Variants in ZNF892 observed in about 807,000 individuals in gnomAD.
ZNF892 encodes the protein zinc finger protein 570-like.
chr2:95,217,471 A>G, the ZNF892 span, among the ~76,000 whole-genome samples: 3 of 152,184 alleles, frequency 2.0e-5, no homozygotes, highest in Non-Finnish European at 2.9e-5. Flanking sequence ...TCAGGTAAAT[A>G]TCACCTAAAT....
the ZNF892 span, among the ~76,000 whole-genome samples, chr2:95,233,597 C>T: frequency 8.0e-6 from 1 of 125,130 alleles, no homozygotes; most frequent in African/African-American, 3.0e-5. Flanking sequence ...GGCGTGAAAC[C>T]GGGAGGCGGA....
the ZNF892 span, among the ~76,000 whole-genome samples, chr2:95,217,769 A>C: frequency 6.6e-6 from 1 of 152,200 alleles, no homozygotes; most frequent in Non-Finnish European, 1.5e-5. Flanking sequence ...CCACTGGGGT[A>C]GTGGTCCTAT....
chr2:95,230,414 G>A, the ZNF892 span, among the ~76,000 whole-genome samples: 2 of 152,226 alleles, frequency 1.3e-5, no homozygotes, highest in Admixed American at 1.3e-4. Context: ...TATTACTAAT[G>A]TTGATCACTT....
At chr2:95,216,623 A>G in the ZNF892 span, among the ~76,000 whole-genome samples, 1 of 151,872 alleles carries the variant, frequency 6.6e-6, no homozygotes, top group African/African-American at 2.4e-5. Context: ...ATCTTTTTAT[A>G]TTTTTTTCAT....
chr2:95,212,021 A>G, the ZNF892 span, among the ~76,000 whole-genome samples: 2 of 152,144 alleles, frequency 1.3e-5, no homozygotes, highest in African/African-American at 4.8e-5. Context: ...AAATAGGGGG[A>G]GGTAAAATTG....
chr2:95,244,161 A>G, the ZNF892 span, among the ~76,000 whole-genome samples: 3 of 150,478 alleles, frequency 2.0e-5, no homozygotes, highest in Non-Finnish European at 3.0e-5. Context: ...GTTAAGAGTC[A>G]TCACCACTCC....
At chr2:95,232,303 A>G in the ZNF892 span, among the ~76,000 whole-genome samples, 9 of 152,184 alleles carry the variant, frequency 5.9e-5, no homozygotes, top group African/African-American at 2.2e-4. Flanking sequence ...AACATACATG[A>G]TATCATTTCT....
the ZNF892 span, among the ~76,000 whole-genome samples, chr2:95,248,624 T>C: frequency 2.0e-5 from 3 of 151,960 alleles, no homozygotes; most frequent in Non-Finnish European, 4.4e-5. Context: ...TTATTAGGAA[T>C]AGACCAATAA....
At chr2:95,212,401 A>G in the ZNF892 span, 9 of 396,274 alleles carry the variant, frequency 2.3e-5, no homozygotes, top group Middle Eastern at 6.3e-4. Context: ...TCTCACCCCT[A>G]TGCCACATCC....
the ZNF892 span, chr2:95,215,719 T>C: frequency 2.5e-6 from 1 of 397,434 alleles, no homozygotes; most frequent in Non-Finnish European, 4.4e-6. Flanking sequence ...GACAAGTCAT[T>C]GCTGATGTGG....
chr2:95,261,993 A>T, the ZNF892 span, among the ~76,000 whole-genome samples: 1 of 152,218 alleles, frequency 6.6e-6, no homozygotes, highest in Non-Finnish European at 1.5e-5. Context: ...AGCAGAGTAA[A>T]ACAAGAATGA....
At chr2:95,255,718 C>G in the ZNF892 span, among the ~76,000 whole-genome samples, 14 of 152,246 alleles carry the variant, frequency 9.2e-5, no homozygotes, top group Admixed American at 9.2e-4. Context: ...GAGTCTAAGT[C>G]TCTTTGTAGG....
At chr2:95,234,105 TC>T in the ZNF892 span, among the ~76,000 whole-genome samples, 1 of 152,188 alleles carries the variant, frequency 6.6e-6, no homozygotes, top group East Asian at 1.9e-4. Context: ...CACTGCAACC[TC>T]CGCCTCCCAG....
At chr2:95,207,513 G>A in the ZNF892 span, 4 of 307,646 alleles carry the variant, frequency 1.3e-5, no homozygotes, top group Non-Finnish European at 1.8e-5. Flanking sequence ...GAGGATTCTG[G>A]GAGTGGTAGT....
At chr2:95,252,354 T>C in the ZNF892 span, among the ~76,000 whole-genome samples, 3 of 151,946 alleles carry the variant, frequency 2.0e-5, no homozygotes, top group Admixed American at 6.6e-5. Context: ...TTTGTCCTTG[T>C]GAGAGTTTGC....
the ZNF892 span, among the ~76,000 whole-genome samples, chr2:95,216,471 T>TA: frequency 6.6e-6 from 1 of 152,204 alleles, no homozygotes; most frequent in South Asian, 2.1e-4. Flanking sequence ...CAGTTGTATC[T>TA]AGTTTGTACC....
the ZNF892 span, among the ~76,000 whole-genome samples, chr2:95,208,118 T>A: frequency 6.6e-6 from 1 of 152,134 alleles, no homozygotes; most frequent in Non-Finnish European, 1.5e-5. Context: ...CATAAGGCAG[T>A]AGGAAGGAAC....
the ZNF892 span, among the ~76,000 whole-genome samples, chr2:95,240,253 A>G: frequency 6.6e-6 from 1 of 152,232 alleles, no homozygotes; most frequent in Non-Finnish European, 1.5e-5. Context: ...CAACTGAAAT[A>G]TCCAGGTTCT....
the ZNF892 span, among the ~76,000 whole-genome samples, chr2:95,226,593 T>C: frequency 6.6e-6 from 1 of 152,158 alleles, no homozygotes; most frequent in Non-Finnish European, 1.5e-5. Context: ...TGTTGTGGGG[T>C]GTTTCTCTGA....
Sources: allele counts gnomAD v4.1 joint callset (sites outside exome capture counted in the v4.1 genomes callset), GRCh38; gene constraint gnomAD v4.1.1; transcripts MANE v1.5; gene names NCBI Gene and HGNC (gene_info 2026-07-23, HGNC 2026-07-21).